Variants in TGFA observed in about 807,000 individuals in gnomAD.
TGFA encodes protransforming growth factor alpha.
A neutral mutation model predicts 21.7 loss-of-function variants in TGFA; 12 were observed. The observed-to-expected ratio is 0.55, with a 90% CI of 0.35 to 0.90. The LOEUF (loss-of-function observed/expected upper bound fraction) is 0.90. Ranked by LOEUF, TGFA falls within the 40% of genes least tolerant of loss-of-function variation. The pLI is 0.01. For synonymous variants in TGFA, 79 were observed against 88.1 expected (o/e 0.90, Z 0.58); for missense variants, 178 against 210.8 (o/e 0.84, Z 0.96).
chr2:70,507,125 G>A (rs897517465), intron 2 of TGFA, among the ~76,000 whole-genome samples: 6 of 152,328 alleles, frequency 3.9e-5, no homozygotes, highest in East Asian at 1.9e-4. Flanking sequence ...CATGCAAGGC[G>A]CCACTGTTTC....
chr2:70,473,290 C>A (rs1361824787), intron 2 of TGFA, among the ~76,000 whole-genome samples: 1 of 152,152 alleles, frequency 6.6e-6, no homozygotes. Context: ...GGTGGCAGAA[C>A]TGCTAAGCCA....
Position 70,518,672 on chromosome 2 carries a change from C to A in TGFA, c.41-3760G>T, listed in dbSNP as rs139190487. On this transcript the variant is annotated intron_variant, in intron 1 of 5. Coordinates refer to ENST00000295400, the MANE Select transcript of TGFA (RefSeq NM_003236.4). ...TGGGACTAGCAATTCTGCACAGATA[C>A]CCAGGCTGTGCCTTCAGCGTCAGAC... Among the ~76,000 whole-genome samples, 11 of 152,310 alleles carry A rather than the reference C, an allele frequency of 7.2e-5. 1 individual carries two copies. In the East Asian group the frequency reaches 2.1e-3, roughly 29 times the overall value.
chr2:70,496,884 T>C (rs1671592025), intron 2 of TGFA, among the ~76,000 whole-genome samples: 1 of 152,086 alleles, frequency 6.6e-6, no homozygotes, highest in Non-Finnish European at 1.5e-5. Context: ...ACAAACGAAA[T>C]CATTATAGAC....
chr2:70,524,820 C>T (rs1553502769), intron 1 of TGFA, among the ~76,000 whole-genome samples: 1 of 152,188 alleles, frequency 6.6e-6, no homozygotes, highest in Admixed American at 6.5e-5. Flanking sequence ...GCAGAGGGCA[C>T]CTGGCTGACA....
chr2:70,478,278 T>C (rs1175712918), intron 2 of TGFA, among the ~76,000 whole-genome samples: 3 of 152,174 alleles, frequency 2.0e-5, no homozygotes, highest in Non-Finnish European at 4.4e-5. Context: ...GCCGCCACAA[T>C]TGACAGCAGG....
At chr2:70,477,388 A>G (rs1431971560) in intron 2 of TGFA, among the ~76,000 whole-genome samples, 1 of 152,206 alleles carries the variant, frequency 6.6e-6, no homozygotes. Context: ...TATTTGATCC[A>G]TTTCCAACCA....
intron 1 of TGFA, among the ~76,000 whole-genome samples, chr2:70,538,436 G>A (rs35170476): frequency 0.18 from 26,747 of 152,206 alleles, 2,775 homozygotes; most frequent in East Asian, 0.27. Context: ...TTGTGGAAAT[G>A]ATTCACCATT....
At chr2:70,457,703 G>A (rs1169692848) in intron 3 of TGFA, among the ~76,000 whole-genome samples, 1 of 151,862 alleles carries the variant, frequency 6.6e-6, no homozygotes, top group African/African-American at 2.4e-5. Context: ...CACCATGCCT[G>A]GCTAATTTTT....
intron 1 of TGFA, among the ~76,000 whole-genome samples, chr2:70,523,468 A>C (rs183854373): frequency 6.6e-6 from 1 of 151,974 alleles, no homozygotes; most frequent in Admixed American, 6.6e-5. Flanking sequence ...CTTCCACCCA[A>C]ATGTTTCTAC....
At position 70,471,683 on chromosome 2, in the gene TGFA, T is replaced by C. The variant is rs184257935; in HGVS notation, c.95-5947A>G. 2.2e-3 allele frequency among the ~76,000 whole-genome samples: 331 copies of C among 152,280 alleles called. 1 individual carries two copies. The highest frequency in any genetic ancestry group is 7.3e-3 in the African/African-American group (305 of 41,548). On this transcript the variant is annotated intron_variant, in intron 2 of 5. Coordinates refer to ENST00000295400, the MANE Select transcript of TGFA (RefSeq NM_003236.4). ...AGGGCAGGGACAGGGATGTCACTTATTGAGTGCTTGCTAAGTGCTGGGGGC... is the reference window on the plus strand; with the variant it reads ...AGGGCAGGGACAGGGATGTCACTTACTGAGTGCTTGCTAAGTGCTGGGGGC...
chr2:70,457,399 T>C (rs1670267911), intron 3 of TGFA, among the ~76,000 whole-genome samples: 2 of 152,114 alleles, frequency 1.3e-5, no homozygotes, highest in Non-Finnish European at 1.5e-5. Flanking sequence ...GAGCCACTAA[T>C]CCCCCAAGCA....
intron 1 of TGFA, among the ~76,000 whole-genome samples, chr2:70,547,585 A>G (rs113174078): frequency 1.6e-4 from 24 of 149,956 alleles, no homozygotes; most frequent in African/African-American, 5.8e-4. Context: ...AAAAACTATT[A>G]TGAAAGATTA....
chr2:70,501,931 C>CGAGCAAGT (rs1343558855), intron 2 of TGFA, among the ~76,000 whole-genome samples: 4 of 152,232 alleles, frequency 2.6e-5, no homozygotes, highest in Non-Finnish European at 5.9e-5. Context: ...GTGGAGCAAG[C>CGAGCAAGT]GAGCAAGTGA....
chr2:70,512,482 G>C (rs1245253568), intron 2 of TGFA, among the ~76,000 whole-genome samples: 1 of 152,210 alleles, frequency 6.6e-6, no homozygotes, highest in African/African-American at 2.4e-5. Flanking sequence ...CACTGAGCTG[G>C]TTACAGGGTA....
intron 1 of TGFA, among the ~76,000 whole-genome samples, chr2:70,529,036 T>C (rs1250366244): frequency 1.3e-5 from 2 of 152,360 alleles, no homozygotes; most frequent in Middle Eastern, 3.4e-3. Flanking sequence ...CTCCCATCCC[T>C]GGCTTTATCT....
At chr2:70,539,261 C>G (rs2103927334) in intron 1 of TGFA, among the ~76,000 whole-genome samples, 1 of 152,194 alleles carries the variant, frequency 6.6e-6, no homozygotes, top group East Asian at 1.9e-4. Flanking sequence ...TGGCCCGGAG[C>G]TGGGCCTGCT....
chr2:70,474,303 GA>G (rs1362019505), intron 2 of TGFA, among the ~76,000 whole-genome samples: 1 of 152,214 alleles, frequency 6.6e-6, no homozygotes, highest in African/African-American at 2.4e-5. Context: ...ACTGAAATTT[GA>G]TCTCAGTTTT....
intron 1 of TGFA, among the ~76,000 whole-genome samples, chr2:70,516,555 G>GA (rs1230108473): frequency 6.6e-6 from 1 of 152,152 alleles, no homozygotes; most frequent in Non-Finnish European, 1.5e-5. Flanking sequence ...GACAGGGAGA[G>GA]AAAATCAGTA....
intron 1 of TGFA, among the ~76,000 whole-genome samples, chr2:70,537,679 G>T (rs1486583336): frequency 6.6e-6 from 1 of 152,214 alleles, no homozygotes; most frequent in Non-Finnish European, 1.5e-5. Context: ...GATTCTGAGA[G>T]AGGTGAAGAA....
Sources: gnomAD v4.1 joint callset for allele counts (sites outside exome capture counted in the v4.1 genomes callset) on GRCh38, gnomAD v4.1.1 for gene constraint, MANE v1.5 for transcripts, NCBI Gene and HGNC (gene_info 2026-07-23, HGNC 2026-07-21) for gene names.